The following GRIK4 variants were observed in gnomAD, a reference collection of about 807,000 sequenced individuals.
The protein encoded by GRIK4 is glutamate ionotropic receptor kainate type subunit 4, also known as glutamate receptor ionotropic, kainate 4.
A neutral mutation model predicts 104.9 loss-of-function variants in GRIK4; 40 were observed. The ratio of observed to expected loss-of-function variants is 0.38; its 90% CI spans 0.30 to 0.50. The LOEUF (loss-of-function observed/expected upper bound fraction) is 0.50, where lower values mean the gene tolerates loss of function less well. GRIK4 is among the 20% of genes least tolerant of loss of function. GRIK4 has a pLI of 0.93. For synonymous variants in GRIK4, 485 were observed against 524.9 expected, an observed-to-expected ratio of 0.92 and a Z score of 1.04; for missense variants, 1,047 against 1,308.1, an observed-to-expected ratio of 0.80 and a Z score of 3.08.
At chr11:120,597,648 T>C (rs372525594) in intron 1 of GRIK4, among the ~76,000 whole-genome samples, 4 of 152,234 alleles carry the variant, frequency 2.6e-5, no homozygotes, top group African/African-American at 9.6e-5. Flanking sequence ...CAGGGATCCG[T>C]GGGGGTCCTG....
chr11:120,841,273 C>T (rs1023617520), intron 8 of GRIK4, among the ~76,000 whole-genome samples: 1 of 152,132 alleles, frequency 6.6e-6, no homozygotes, highest in African/African-American at 2.4e-5. Context: ...CTCCCCATGT[C>T]TTTTTGCACC....
chr11:120,620,184 T>C lies in GRIK4; in HGVS notation c.-158-33501T>C, dbSNP rs1949168670. ...ATGCATGTTCTCTTTTTACAATAAA[T>C]TCATGACCATCAGATGATATCAATT... On this transcript the variant is annotated intron_variant, in intron 1 of 20. Coordinates refer to ENST00000527524, the MANE Select transcript of GRIK4 (RefSeq NM_014619.5). The C allele has an allele frequency of 1.8e-5, 15 of 817,182 alleles. No homozygotes were observed. The South Asian group carries it at 2.0e-4, about 11-fold the overall frequency. The allele number at this position is 817,182 out of a possible 1,614,324, so 50.6% of individuals were successfully genotyped here. A position where few individuals can be genotyped will look rare whatever the true frequency, so the allele number is the denominator to read the frequency against.
intron 3 of GRIK4, among the ~76,000 whole-genome samples, chr11:120,722,766 A>T (rs1393613624): frequency 1.3e-5 from 2 of 152,118 alleles, no homozygotes; most frequent in African/African-American, 4.8e-5. Context: ...CTCTTCCTTC[A>T]TTTGCATGTA....
intron 3 of GRIK4, among the ~76,000 whole-genome samples, chr11:120,665,317 A>C (rs1038192537): frequency 4.6e-5 from 7 of 152,186 alleles, no homozygotes; most frequent in Non-Finnish European, 8.8e-5. Context: ...TTTGATCAGC[A>C]TGCAACTTTT....
chr11:120,641,904 G>A (rs1273625483), intron 1 of GRIK4, among the ~76,000 whole-genome samples: 2 of 152,122 alleles, frequency 1.3e-5, no homozygotes, highest in East Asian at 1.9e-4. Context: ...CACTTCTGAC[G>A]CTTTGGCTGA....
chr11:120,856,344 C>G (rs1226818524), intron 8 of GRIK4, among the ~76,000 whole-genome samples: 2 of 152,140 alleles, frequency 1.3e-5, no homozygotes, highest in Non-Finnish European at 2.9e-5. Context: ...CCAAGGGGCA[C>G]CATTCACATG....
At chr11:120,770,886 C>T (rs1175603030) in intron 3 of GRIK4, among the ~76,000 whole-genome samples, 1 of 152,202 alleles carries the variant, frequency 6.6e-6, no homozygotes, top group East Asian at 1.9e-4. Context: ...AGCAGGCCCT[C>T]ACTGGACACT....
chr11:120,740,516 C>G (rs1951309652), intron 3 of GRIK4, among the ~76,000 whole-genome samples: 1 of 152,184 alleles, frequency 6.6e-6, no homozygotes, highest in African/African-American at 2.4e-5. Context: ...CATCATGCCT[C>G]ATCATGCACT....
At chr11:120,699,132 G>T (rs1353315533) in intron 3 of GRIK4, among the ~76,000 whole-genome samples, 1 of 152,116 alleles carries the variant, frequency 6.6e-6, no homozygotes, top group Non-Finnish European at 1.5e-5. Context: ...AGCTGCTTCA[G>T]TTCATCACAG....
chr11:120,986,173 C>T lies in GRIK4; in HGVS notation c.2784C>T (p.Phe928=). The change falls in exon 21 of 21, where the codon TTC becomes TTT. Residue 928 remains phenylalanine, a synonymous_variant. Transcript: ENST00000527524. ...HIRVCPECRR[F]QGLRARPSPA... is the part of the protein sequence containing the mutation. ...GCGTCTGCCCCGAGTGCCGCCGCTTCCAGGGCCTGCGGGCACGGCCGTCGC... is the reference window on the plus strand; with the variant it reads ...GCGTCTGCCCCGAGTGCCGCCGCTTTCAGGGCCTGCGGGCACGGCCGTCGC... The T allele has an allele frequency of 6.4e-7, 1 of 1,557,182 alleles. No homozygotes were observed. Among genetic ancestry groups the T allele is most frequent in the Non-Finnish European group, 8.6e-7 (1 of 1,161,098 alleles).
chr11:120,628,598 G>A (rs1438849898), intron 1 of GRIK4, among the ~76,000 whole-genome samples: 2 of 152,192 alleles, frequency 1.3e-5, no homozygotes, highest in Non-Finnish European at 2.9e-5. Context: ...TGGTCATGAT[G>A]ACACAAGGGT....
At chr11:120,664,985 C>T (rs7928104) in intron 3 of GRIK4, among the ~76,000 whole-genome samples, 13,179 of 150,668 alleles carry the variant, frequency 0.087, 1,850 homozygotes, top group African/African-American at 0.29. Flanking sequence ...CTCTGTCTTA[C>T]GAGGACCCTC....
chr11:120,857,603 A>T (rs963298153), intron 8 of GRIK4, among the ~76,000 whole-genome samples: 5 of 152,184 alleles, frequency 3.3e-5, no homozygotes, highest in African/African-American at 1.2e-4. Context: ...AAAAAAATAC[A>T]ATAATGCAAT....
At chr11:120,520,755 G>T (rs935956409) in intron 1 of GRIK4, among the ~76,000 whole-genome samples, 5 of 152,208 alleles carry the variant, frequency 3.3e-5, no homozygotes, top group Non-Finnish European at 5.9e-5. Flanking sequence ...AACAGCAGCA[G>T]AATAGGGAGT....
chr11:120,710,948 A>G (rs1950721387), intron 3 of GRIK4, among the ~76,000 whole-genome samples: 1 of 151,108 alleles, frequency 6.6e-6, no homozygotes, highest in Non-Finnish European at 1.5e-5. Context: ...AAGGCAGTGC[A>G]GAACTGGAGC....
chr11:120,672,573 T>C (rs1353518656), intron 3 of GRIK4, among the ~76,000 whole-genome samples: 1 of 152,252 alleles, frequency 6.6e-6, no homozygotes, highest in Non-Finnish European at 1.5e-5. Context: ...GAGCATGGAA[T>C]GTTTTTCCGT....
chr11:120,622,607 T>G (rs1338264594), intron 1 of GRIK4, among the ~76,000 whole-genome samples: 1 of 152,276 alleles, frequency 6.6e-6, no homozygotes, highest in Non-Finnish European at 1.5e-5. Flanking sequence ...GTGTCATTAT[T>G]GTATTAGTTT....
At chr11:120,635,903 G>T (rs1949391101) in intron 1 of GRIK4, among the ~76,000 whole-genome samples, 1 of 152,196 alleles carries the variant, frequency 6.6e-6, no homozygotes, top group African/African-American at 2.4e-5. Context: ...CTGTGAAACA[G>T]TTACTAGTTG....
chr11:120,808,394 C>T (rs1485529004), intron 4 of GRIK4, among the ~76,000 whole-genome samples: 3 of 152,202 alleles, frequency 2.0e-5, no homozygotes, highest in Non-Finnish European at 4.4e-5. Context: ...TCCTCCCTCT[C>T]AGGGTTGTTG....
Sources: allele counts gnomAD v4.1 joint callset (sites outside exome capture counted in the v4.1 genomes callset), GRCh38; gene constraint gnomAD v4.1.1; transcripts MANE v1.5; gene names NCBI Gene and HGNC (gene_info 2026-07-23, HGNC 2026-07-21).